Variants in NRIP1 observed in about 807,000 individuals in gnomAD.
The protein encoded by NRIP1 is nuclear receptor interacting protein 1, also known as nuclear receptor-interacting protein 1.
Under a neutral mutation model 75.0 loss-of-function variants are expected in NRIP1, and 28 were observed. The observed-to-expected ratio is 0.37, with a 90% confidence interval of 0.28 to 0.51. The LOEUF is 0.51. NRIP1 is among the 20% of genes least tolerant of loss of function. The pLI is 0.92. For missense variants in NRIP1, 1,435 were observed against 1,343.7 expected, an observed-to-expected ratio of 1.07 and a Z score of -1.06; for synonymous variants, 526 against 487.6, an observed-to-expected ratio of 1.08 and a Z score of -1.04.
chr21:15,041,753 G>C (rs1035211535), intron 2 of NRIP1, among the ~76,000 whole-genome samples: 10 of 152,010 alleles, frequency 6.6e-5, no homozygotes, highest in Admixed American at 4.6e-4. Flanking sequence ...ATAGCTAAGT[G>C]TGAATGTTTA....
chr21:15,034,640 A>C lies in NRIP1; in HGVS notation c.-458+8855T>G, dbSNP rs559481655. Among the ~76,000 whole-genome samples the C allele has an allele frequency of 6.6e-5, 10 of 152,334 alleles. No individual in the cohort carries two copies. The South Asian group carries it at 2.1e-3, about 32-fold the overall frequency. The stretch of plus-strand genomic sequence containing the variant: ...ATGAAAGACAGGTTAATCATCCAAC[A>C]AACATAATACACAAGTGTGTATGAG... On this transcript the variant is annotated intron_variant, in intron 2 of 3. Coordinates refer to ENST00000318948, the MANE Select transcript of NRIP1 (RefSeq NM_003489.4).
chr21:15,054,444 A>G (rs901305600), intron 1 of NRIP1, among the ~76,000 whole-genome samples: 2 of 152,222 alleles, frequency 1.3e-5, no homozygotes, highest in African/African-American at 4.8e-5. Context: ...TTACTGAAGA[A>G]ATGTAATATT....
intron 3 of NRIP1, among the ~76,000 whole-genome samples, chr21:15,010,422 G>A (rs917176722): frequency 2.6e-5 from 4 of 151,420 alleles, no homozygotes; most frequent in Non-Finnish European, 5.9e-5. Context: ...TGGAGGCTTC[G>A]CATATAGCGA....
intron 1 of NRIP1, among the ~76,000 whole-genome samples, chr21:15,048,979 C>T (rs1472144470): frequency 1.3e-5 from 2 of 151,970 alleles, no homozygotes; most frequent in Non-Finnish European, 1.5e-5. Context: ...CACACACACA[C>T]GTATTCATTT....
chr21:15,003,039 T>C (rs2087885305), intron 3 of NRIP1, among the ~76,000 whole-genome samples: 1 of 152,260 alleles, frequency 6.6e-6, no homozygotes, highest in African/African-American at 2.4e-5. Context: ...CTTATAAATC[T>C]AGAGTTCTGG....
At chr21:15,059,441 T>G (rs2026847) in intron 1 of NRIP1, among the ~76,000 whole-genome samples, 120,707 of 151,942 alleles carry the variant, frequency 0.79, 48,366 homozygotes, top group East Asian at 0.9. Context: ...CCCTGTCAGA[T>G]AATTCTATTA....
At chr21:15,050,843 T>G (rs1430496291) in intron 1 of NRIP1, 1 of 455,946 alleles carries the variant, frequency 2.2e-6, no homozygotes, top group Non-Finnish European at 4.4e-6. Flanking sequence ...CTCCTCTACC[T>G]GACCCATACA....
chr21:15,015,027 C>T (rs2088192951), intron 2 of NRIP1, among the ~76,000 whole-genome samples: 1 of 152,060 alleles, frequency 6.6e-6, no homozygotes, highest in Admixed American at 6.6e-5. Flanking sequence ...AAATGCCCAT[C>T]AATAGGTGAA....
Position 15,016,863 on chromosome 21 carries a change from C to T in NRIP1, c.-457-2397G>A, listed in dbSNP as rs143756229. On this transcript the variant is annotated intron_variant, in intron 2 of 3. Transcript: ENST00000318948. The stretch of plus-strand genomic sequence containing the variant: ...TCGCGCCACTGCACTCCAGCCTGGG[C>T]GACAGAGCGAGACTCCGTCAAAGAA... Among the ~76,000 whole-genome samples, 231 of 143,106 alleles carry T rather than the reference C, an allele frequency of 1.6e-3. 5 individuals are homozygous for T. In the East Asian group the frequency reaches 0.024, roughly 15 times the overall value. 93.9% of individuals were successfully genotyped at this position (143,106 alleles called of 152,430 possible).
chr21:14,987,655 C>T lies in NRIP1; in HGVS notation c.-334-19129G>A, dbSNP rs1600836626. On this transcript the variant is annotated intron_variant, in intron 3 of 3. Coordinates refer to ENST00000318948, the MANE Select transcript of NRIP1 (RefSeq NM_003489.4). ...AACAGTGTATAAAACCTCCTGGGAG[C>T]TCTTGTCACTGACCGTTGATTCCTA... Among the ~76,000 whole-genome samples the T allele has an allele frequency of 2.0e-5, 3 of 152,294 alleles. No individual in the cohort carries two copies. In the South Asian group the frequency reaches 6.2e-4, roughly 32 times the overall value.
intron 2 of NRIP1, among the ~76,000 whole-genome samples, chr21:15,028,540 G>C (rs1431719264): frequency 2.0e-5 from 3 of 152,094 alleles, no homozygotes; most frequent in Non-Finnish European, 4.4e-5. Context: ...TTTTTTACAA[G>C]GTTTGGGGCT....
chr21:15,059,746 C>T (rs2089383214), intron 1 of NRIP1, among the ~76,000 whole-genome samples: 1 of 152,084 alleles, frequency 6.6e-6, no homozygotes, highest in African/African-American at 2.4e-5. Flanking sequence ...TTTAAGAAAT[C>T]TTAATACTAA....
intron 3 of NRIP1, among the ~76,000 whole-genome samples, chr21:14,989,073 C>T (rs1186236587): frequency 6.6e-6 from 1 of 152,196 alleles, no homozygotes; most frequent in African/African-American, 2.4e-5. Context: ...TCCTCCTGTA[C>T]CTGAGCTTTG....
At chr21:14,989,486 T>G (rs2087509215) in intron 3 of NRIP1, among the ~76,000 whole-genome samples, 1 of 152,212 alleles carries the variant, frequency 6.6e-6, no homozygotes, top group South Asian at 2.1e-4. Flanking sequence ...GGACATTGGT[T>G]GTTTTAATTC....
In NRIP1 at chr21:14,968,231, A is replaced by T. The variant is rs369255559; in HGVS notation, c.-39T>A. 185 of 1,434,208 alleles carry T rather than the reference A, an allele frequency of 1.3e-4. No homozygotes were observed. The highest frequency in any genetic ancestry group is 4.4e-4 in the Admixed American group (21 of 47,878). 88.8% of individuals were successfully genotyped at this position (1,434,208 alleles called of 1,614,324 possible). A position where few individuals can be genotyped will look rare whatever the true frequency, so the allele number is the denominator to read the frequency against. On this transcript the variant is annotated 5_prime_UTR_variant, in exon 4 of 4. Coordinates refer to ENST00000318948, the MANE Select transcript of NRIP1 (RefSeq NM_003489.4). ...GTTCACAAGGGCTTGGTTTCTATTC[A>T]CTTTAAAGAATGGTTTTCTGTGGTG... is the stretch of plus-strand genomic sequence containing the variant.
At chr21:15,065,458 A>G (rs1305607366), upstream of NRIP1, among the ~76,000 whole-genome samples, 1 of 152,120 alleles carries the variant, frequency 6.6e-6, no homozygotes, top group Non-Finnish European at 1.5e-5. Flanking sequence ...GTTTGGGCAC[A>G]GCCTGGGGGC....
intron 1 of NRIP1, among the ~76,000 whole-genome samples, chr21:15,059,912 C>A (rs1482712969): frequency 6.6e-6 from 1 of 152,062 alleles, no homozygotes; most frequent in Non-Finnish European, 1.5e-5. Context: ...TTAATTTCAA[C>A]AAAATACTAA....
intron 3 of NRIP1, among the ~76,000 whole-genome samples, chr21:14,975,571 T>C (rs1568949712): frequency 6.9e-6 from 1 of 145,692 alleles, no homozygotes; most frequent in Non-Finnish European, 1.5e-5. Flanking sequence ...GAGCTATGAC[T>C]GAGTTACTGT....
At chr21:14,992,385 T>C (rs2087597932) in intron 3 of NRIP1, 2 of 152,132 alleles carry the variant, frequency 1.3e-5, no homozygotes, top group South Asian at 4.1e-4. Context: ...AGCAAGGATA[T>C]CACTTAAACA....
Sources: gnomAD v4.1 joint callset for allele counts (sites outside exome capture counted in the v4.1 genomes callset) on GRCh38, gnomAD v4.1.1 for gene constraint, MANE v1.5 for transcripts, NCBI Gene and HGNC (gene_info 2026-07-23, HGNC 2026-07-21) for gene names.